Variants in RELN observed in about 807,000 individuals in gnomAD.
RELN encodes the protein reelin.
Under a neutral mutation model 427.6 loss-of-function variants are expected in RELN, and 108 were observed. The observed-to-expected ratio is 0.25, with a 90% CI of 0.22 to 0.30. RELN has a LOEUF of 0.30. Among genes scored for constraint, RELN ranks in the 10% least tolerant of loss-of-function variants. The pLI, the probability that RELN is intolerant of heterozygous loss-of-function variation, is 1.00. For synonymous variants in RELN, 1,524 were observed against 1,513.4 expected (o/e 1.01, Z -0.16); for missense variants, 3,715 against 4,302.8 (o/e 0.86, Z 3.82).
chr7:103,610,791 A>T lies in RELN; in HGVS notation c.2912T>A (p.Met971Lys), dbSNP rs1229992034. 6.2e-7 allele frequency: 1 copy of T among 1,607,348 alleles called. No homozygotes were observed. The highest frequency in any genetic ancestry group is 2.2e-5 in the East Asian group (1 of 44,782). The part of the protein sequence containing the change: ...HLVQEECLPS[M>K]PSCQEFTSAS... ...TGATGTAAATTCCTGACAACTTGGC[A>T]TACTTGGAAGGCATTCCTGAAAGAA... The change falls in exon 22 of 65, where the codon ATG (methionine) becomes AAG (lysine). Residue 971 changes from methionine to lysine, a missense_variant. Around this residue, in one of 4 missense-constraint regions of RELN, gnomAD observed 2,208 missense variants for 2,361.7 expected, o/e 0.93. Transcript: ENST00000428762.
intron 2 of RELN, among the ~76,000 whole-genome samples, chr7:103,855,517 A>T (rs1034687886): frequency 2.0e-5 from 3 of 152,254 alleles, no homozygotes; most frequent in African/African-American, 7.2e-5. Flanking sequence ...AGGCATGAGA[A>T]GGGCAAGGAT....
intron 16 of RELN, among the ~76,000 whole-genome samples, chr7:103,648,368 T>A (rs1832840150): frequency 6.6e-6 from 1 of 152,128 alleles, no homozygotes; most frequent in African/African-American, 2.4e-5. Context: ...GTAAGTTTCC[T>A]GAGACCTCCT....
chr7:103,703,644 A>G (rs540975806), intron 8 of RELN, among the ~76,000 whole-genome samples: 49 of 152,330 alleles, frequency 3.2e-4, no homozygotes, highest in African/African-American at 1.1e-3. Context: ...ATTTAAAACC[A>G]GAAAGGAAGG....
At chr7:103,844,834 G>A (rs1180428999) in intron 2 of RELN, among the ~76,000 whole-genome samples, 2 of 152,168 alleles carry the variant, frequency 1.3e-5, no homozygotes, top group African/African-American at 4.8e-5. Context: ...TTTATTTGCA[G>A]AATTAAAGAA....
At chr7:103,562,091 T>G (rs568623461) in intron 34 of RELN, 138 bp from the exon 35 acceptor site, 2 of 996,152 alleles carry the variant, frequency 2.0e-6, no homozygotes, top group Middle Eastern at 3.0e-4. Context: ...TTGACGTACT[T>G]TATTTTCCTA....
chr7:103,935,225 T>C (rs1323849605), intron 1 of RELN, among the ~76,000 whole-genome samples: 1 of 152,220 alleles, frequency 6.6e-6, no homozygotes, highest in African/African-American at 2.4e-5. Context: ...TCCATACTGC[T>C]GCATTTCTTC....
intron 2 of RELN, among the ~76,000 whole-genome samples, chr7:103,850,616 G>T (rs1584296058): frequency 1.3e-5 from 2 of 152,236 alleles, no homozygotes; most frequent in East Asian, 3.9e-4. Context: ...CTCAGGGGAG[G>T]GCACAAATCA....
intron 8 of RELN, among the ~76,000 whole-genome samples, chr7:103,722,931 T>C (rs1790113844): frequency 6.6e-6 from 1 of 152,204 alleles, no homozygotes; most frequent in East Asian, 1.9e-4. Flanking sequence ...GTATTTTTAA[T>C]ACCATTCACT....
chr7:103,669,827 T>C (rs970201115), intron 11 of RELN, among the ~76,000 whole-genome samples: 2 of 152,112 alleles, frequency 1.3e-5, no homozygotes, highest in African/African-American at 4.8e-5. Context: ...TGCAGCAATT[T>C]ATATTTATTC....
rs1241901167 is a variant in RELN at position 103,822,274 on chromosome 7, A to C, written c.473+11263T>G. ...TTATTAGTCTAAATAGCATTCAAAA[A>C]CCATAAATATCTAATTTAACAATAG... On this transcript the variant is annotated intron_variant, in intron 3 of 64. Coordinates refer to ENST00000428762, the MANE Select transcript of RELN (RefSeq NM_005045.4). Among the ~76,000 whole-genome samples, 4 of 152,046 alleles carry C rather than the reference A, an allele frequency of 2.6e-5. No homozygotes were observed. In the East Asian group the frequency reaches 7.7e-4, roughly 29 times the overall value.
intron 43 of RELN, among the ~76,000 whole-genome samples, chr7:103,542,388 A>G (rs362756): frequency 0.016 from 2,488 of 152,346 alleles, 70 homozygotes; most frequent in African/African-American, 0.057. Flanking sequence ...TGCTAATGAA[A>G]AGTATGTTAT....
chr7:103,629,079 A>G (rs184012197), intron 20 of RELN, among the ~76,000 whole-genome samples: 1 of 152,248 alleles, frequency 6.6e-6, no homozygotes, highest in Admixed American at 6.5e-5. Flanking sequence ...TCCTCCAGAT[A>G]TTTATGTGGC....
chr7:103,526,645 G>A (rs1829827905), intron 46 of RELN, among the ~76,000 whole-genome samples: 1 of 152,214 alleles, frequency 6.6e-6, no homozygotes, highest in African/African-American at 2.4e-5. Context: ...TTTGGAAGTT[G>A]AATTGCCAGG....
chr7:103,568,799 G>C (rs1357395500), intron 31 of RELN, among the ~76,000 whole-genome samples: 1 of 152,124 alleles, frequency 6.6e-6, no homozygotes, highest in Admixed American at 6.5e-5. Flanking sequence ...TAGTTATTTT[G>C]AGGTGACCTA....
At chr7:103,519,294 C>T (rs764985649) in intron 49 of RELN, 29 bp downstream of exon 49, 31 of 1,550,700 alleles carry the variant, frequency 2.0e-5, no homozygotes, top group Admixed American at 6.7e-5. Context: ...TCGATGTACT[C>T]GTTATTAGAT....
At chr7:103,818,028 T>A (rs1792922207) in intron 3 of RELN, among the ~76,000 whole-genome samples, 1 of 148,616 alleles carries the variant, frequency 6.7e-6, no homozygotes, top group African/African-American at 2.5e-5. Flanking sequence ...AAAAGATCAA[T>A]ATGCAGGCAC....
chr7:103,521,963 A>G, intron 48 of RELN, 59 bp downstream of exon 48: 1 of 1,550,520 alleles, frequency 6.4e-7, no homozygotes, highest in Non-Finnish European at 8.9e-7. Context: ...GAAGAGAGTC[A>G]ACTATTTGGA....
chr7:103,869,899 T>C (rs1043049182), intron 2 of RELN, among the ~76,000 whole-genome samples: 1 of 152,152 alleles, frequency 6.6e-6, no homozygotes, highest in African/African-American at 2.4e-5. Context: ...CATTTCATAT[T>C]TTCCCACAGA....
intron 46 of RELN, among the ~76,000 whole-genome samples, chr7:103,531,428 A>G (rs958273394): frequency 1.3e-5 from 2 of 152,188 alleles, no homozygotes; most frequent in African/African-American, 4.8e-5. Flanking sequence ...CAATGTCTGG[A>G]GCAGAGCGTG....
Sources: gnomAD v4.1 joint callset for allele counts (sites outside exome capture counted in the v4.1 genomes callset) on GRCh38, gnomAD v4.1.1 for gene constraint, gnomAD v4.1.1 regional missense constraint, MANE v1.5 for transcripts, NCBI Gene and HGNC (gene_info 2026-07-23, HGNC 2026-07-21) for gene names.